The following SLK variants were observed in gnomAD, a reference collection of about 807,000 sequenced individuals.
SLK encodes the protein STE20 like kinase, also known as STE20-like serine/threonine-protein kinase.
Under a neutral mutation model 147.7 loss-of-function variants are expected in SLK, and 67 were observed. The observed-to-expected ratio is 0.45, with a 90% CI of 0.37 to 0.56. The LOEUF is 0.56. Ranked by LOEUF, SLK falls within the 20% of genes least tolerant of loss-of-function variation. The probability of loss-of-function intolerance (pLI) is 0.00; values close to 1 mark genes in which losing one functional copy is unlikely to be tolerated. For synonymous variants in SLK, 441 were observed against 475.0 expected, an observed-to-expected ratio of 0.93 and a Z score of 0.93; for missense variants, 1,136 against 1,438.8, an observed-to-expected ratio of 0.79 and a Z score of 3.41.
At chr10:104,002,038 A>G (rs1033066209) in intron 8 of SLK, 134 bp from the exon 9 acceptor site, 3 of 723,162 alleles carry the variant, frequency 4.1e-6, no homozygotes, top group South Asian at 5.5e-5. Context: ...ATTTCTTGTG[A>G]GAAGAATTGT....
At chr10:104,006,204 C>A (rs1211875616) in intron 11 of SLK, among the ~76,000 whole-genome samples, 169 bp downstream of exon 11, 2 of 152,118 alleles carry the variant, frequency 1.3e-5, no homozygotes, top group East Asian at 1.9e-4. Flanking sequence ...GTTCTGGATG[C>A]CTTTTATTGA....
chr10:103,998,641 C>G (rs1470730951), intron 4 of SLK, among the ~76,000 whole-genome samples: 1 of 151,994 alleles, frequency 6.6e-6, no homozygotes, highest in Admixed American at 6.5e-5. Flanking sequence ...TTTTTATTTT[C>G]AATTTTGGAG....
Position 104,018,309 on chromosome 10 carries a change from G to A in SLK, c.3007+20G>A. 2 of 1,589,016 alleles carry A rather than the reference G, an allele frequency of 1.3e-6. No homozygotes were observed. Among genetic ancestry groups the A allele is most frequent in the Non-Finnish European group, 1.7e-6 (2 of 1,170,078 alleles). On this transcript the variant is annotated intron_variant, in intron 14 of 18. Coordinates refer to ENST00000369755, the MANE Select transcript of SLK (RefSeq NM_014720.4). ...TGAGAGGTAATTTTTTTAAAATTAA[G>A]AAATACTGCAAAATGTAGAATTCCT...
chr10:104,001,058 C>CAAAAAAAAA (rs57046306), intron 7 of SLK, among the ~76,000 whole-genome samples: 11 of 71,006 alleles, frequency 1.5e-4, no homozygotes, highest in African/African-American at 3.3e-4. Context: ...GACTCCGTCT[C>CAAAAAAAAA]AAAAAAAAAA....
At chr10:104,018,632 T>C (rs1355428150) in intron 14 of SLK, 152 bp from the exon 15 acceptor site, 5 of 735,556 alleles carry the variant, frequency 6.8e-6, no homozygotes, top group Non-Finnish European at 1.1e-5. Flanking sequence ...TTGCCTTACA[T>C]TGGTTACAGT....
At chr10:103,990,605 C>T (rs901221406) in intron 1 of SLK, 70 bp from the exon 2 acceptor site, 4 of 885,346 alleles carry the variant, frequency 4.5e-6, no homozygotes, top group Non-Finnish European at 6.6e-6. Flanking sequence ...AACTTAAAAT[C>T]TATTAAAATA....
intron 9 of SLK, among the ~76,000 whole-genome samples, chr10:104,004,067 G>T (rs991649157): frequency 2.0e-5 from 3 of 149,000 alleles, no homozygotes; most frequent in Non-Finnish European, 4.4e-5. Flanking sequence ...GTCTGGAGTG[G>T]GTCCCAAGGA....
In SLK at chr10:103,999,891, A is replaced by G. The variant is rs1324460096; in HGVS notation, c.807A>G (p.Leu269=). ...SRWSSNFKDF[L]KKCLEKNVDA... ...GGTCTTCAAATTTTAAGGACTTTCT[A>G]AAGAAATGCTTAGAAAAGAATGTGG... The change falls in exon 7 of 19, where the codon CTA becomes CTG. Residue 269 remains leucine (L), a synonymous_variant. Coordinates refer to ENST00000369755, the MANE Select transcript of SLK (RefSeq NM_014720.4). 1.3e-6 allele frequency: 2 copies of G among 1,548,178 alleles called. No homozygotes were observed. Among genetic ancestry groups the G allele is most frequent in the Non-Finnish European group, 1.8e-6 (2 of 1,128,498 alleles).
chr10:103,983,596 G>C lies in SLK; in HGVS notation c.151-7079G>C, dbSNP rs576235784. Among the ~76,000 whole-genome samples, 5 of 151,986 alleles carry C rather than the reference G, an allele frequency of 3.3e-5. No individual in the cohort carries two copies. The South Asian group carries it at 6.2e-4, about 19-fold the overall frequency. On this transcript the variant is annotated intron_variant, in intron 1 of 18. Transcript: ENST00000369755. Reference sequence around the variant, plus strand: ...GCTGCAAGGAGAAGGAGGAAGAAATGACTTACACCTTTGTCTTGTTTCCTG... The same window carrying C: ...GCTGCAAGGAGAAGGAGGAAGAAATCACTTACACCTTTGTCTTGTTTCCTG...
intron 1 of SLK, among the ~76,000 whole-genome samples, chr10:103,970,018 A>AT (rs1390635146): frequency 6.6e-6 from 1 of 152,218 alleles, no homozygotes; most frequent in East Asian, 1.9e-4. Context: ...TGGAGTTGGA[A>AT]TATAACTTAG....
rs752905494 is a variant in SLK at position 104,025,609 on chromosome 10, A to G, written c.3597A>G (p.Glu1199=). Residue 1199 remains glutamate, a synonymous_variant, in exon 19 of 19, where the codon GAA becomes GAG. Transcript: ENST00000369755. The part of the protein sequence containing the change: ...LEEEFARKLQ[E]QEVFFKMTGE... ...AAGAGTTTGCCAGGAAACTACAGGA[A>G]CAGGAAGTATTCTTTAAAATGACTG... 3.7e-6 allele frequency: 6 copies of G among 1,613,862 alleles called. 1 individual carries two copies. The South Asian group carries it at 6.6e-5, about 18-fold the overall frequency.
At chr10:104,000,227 G>C (rs1844227683) in intron 7 of SLK, among the ~76,000 whole-genome samples, 1 of 152,078 alleles carries the variant, frequency 6.6e-6, no homozygotes, top group Admixed American at 6.5e-5. Flanking sequence ...AAGCTCCTTG[G>C]GGACAGGGGC....
intron 1 of SLK, among the ~76,000 whole-genome samples, chr10:103,975,128 GTCT>G (rs1843852551): frequency 6.6e-6 from 1 of 151,736 alleles, no homozygotes; most frequent in South Asian, 2.1e-4. Context: ...AAGAGAACCG[GTCT>G]TCTCCCATGG....
intron 1 of SLK, among the ~76,000 whole-genome samples, chr10:103,977,157 G>A (rs1180429800): frequency 6.6e-6 from 1 of 151,874 alleles, no homozygotes; most frequent in Non-Finnish European, 1.5e-5. Flanking sequence ...TAGGATATGA[G>A]GTCCTTTTTC....
chr10:104,019,352 T>G lies in SLK; in HGVS notation c.3133-382T>G, dbSNP rs78750483. ...GCAGTGGCACTCAGTCATAGCTCACTTAACCTCGAACTCCTGGGTTCAAGG... is the reference window on the plus strand; with the variant it reads ...GCAGTGGCACTCAGTCATAGCTCACGTAACCTCGAACTCCTGGGTTCAAGG... On this transcript the variant is annotated intron_variant, in intron 15 of 18. Coordinates refer to ENST00000369755, the MANE Select transcript of SLK (RefSeq NM_014720.4). Among the ~76,000 whole-genome samples the G allele has an allele frequency of 5.3e-3, 802 of 152,198 alleles. 3 individuals carry two copies. Among genetic ancestry groups the G allele is most frequent in the Middle Eastern group, 0.031 (9 of 294 alleles).
chr10:103,993,918 G>A (rs1018177164), intron 4 of SLK, among the ~76,000 whole-genome samples: 10 of 151,632 alleles, frequency 6.6e-5, no homozygotes, highest in South Asian at 2.1e-4. Context: ...TTTTTTTAAC[G>A]GAGTCTTGCT....
At chr10:103,982,849 T>C (rs576378221) in intron 1 of SLK, among the ~76,000 whole-genome samples, 3 of 152,306 alleles carry the variant, frequency 2.0e-5, no homozygotes, top group Admixed American at 1.3e-4. Context: ...CAGAGGGCAG[T>C]GTAGTGAAGT....
intron 11 of SLK, among the ~76,000 whole-genome samples, chr10:104,007,790 A>C (rs1174710701): frequency 1.3e-5 from 2 of 151,682 alleles, no homozygotes; most frequent in Admixed American, 1.3e-4. Context: ...TAAATAAATA[A>C]ATAAATAAAA....
chr10:104,017,360 A>T (rs1173748181), intron 13 of SLK, among the ~76,000 whole-genome samples: 1 of 152,210 alleles, frequency 6.6e-6, no homozygotes, highest in Non-Finnish European at 1.5e-5. Flanking sequence ...GTAGATACAG[A>T]AACTATCTTC....
Sources: allele counts gnomAD v4.1 joint callset (sites outside exome capture counted in the v4.1 genomes callset), GRCh38; gene constraint gnomAD v4.1.1; transcripts MANE v1.5; gene names NCBI Gene and HGNC (gene_info 2026-07-23, HGNC 2026-07-21).